Variants in RAB27A observed in about 807,000 individuals in gnomAD.
RAB27A encodes RAB27A, member RAS oncogene family.
A neutral mutation model predicts 20.8 loss-of-function variants in RAB27A; 17 were observed. The observed-to-expected ratio is 0.82, with a 90% CI of 0.56 to 1.23. The LOEUF (loss-of-function observed/expected upper bound fraction) is 1.23. Among genes scored for constraint, RAB27A ranks in the 50% most tolerant of loss-of-function variants. The probability of loss-of-function intolerance (pLI) is 0.00; values close to 1 mark genes in which losing one functional copy is unlikely to be tolerated. For missense variants in RAB27A, 277 were observed against 266.7 expected (o/e 1.04, Z -0.27); for synonymous variants, 85 against 92.8 (o/e 0.92, Z 0.48).
At chr15:55,285,426 T>C (rs1158207123) in intron 1 of RAB27A, among the ~76,000 whole-genome samples, 2 of 151,780 alleles carry the variant, frequency 1.3e-5, no homozygotes, top group Non-Finnish European at 2.9e-5. Flanking sequence ...ACCTCAATCA[T>C]ACAAGTACCT....
At chr15:55,218,261 T>A (rs1895406786) in intron 6 of RAB27A, among the ~76,000 whole-genome samples, 1 of 152,220 alleles carries the variant, frequency 6.6e-6, no homozygotes, top group African/African-American at 2.4e-5. Context: ...AGGAAATGGC[T>A]GGTGTGCTGA....
At chr15:55,252,533 C>A (rs976629303) in intron 2 of RAB27A, among the ~76,000 whole-genome samples, 1 of 151,990 alleles carries the variant, frequency 6.6e-6, no homozygotes, top group Admixed American at 6.6e-5. Flanking sequence ...ACCTGGGAGG[C>A]GGAAGCTGCA....
rs1352124999 is a variant in RAB27A at position 55,272,731 on chromosome 15, C to T, written c.-142-2447G>A. Among the ~76,000 whole-genome samples the T allele has an allele frequency of 3.3e-5, 5 of 152,136 alleles. No homozygotes were observed. The East Asian group carries it at 5.8e-4, about 18-fold the overall frequency. On this transcript the variant is annotated intron_variant, in intron 1 of 6. Coordinates refer to ENST00000336787, the MANE Select transcript of RAB27A (RefSeq NM_183235.3). The stretch of plus-strand genomic sequence containing the variant: ...ATGTTTTATTTCTTTTAGACATAAA[C>T]TCACAAGGACAAAGATCAGGTAGTG...
chr15:55,213,038 TCAATAAAGC>T (rs1400617436), intron 6 of RAB27A, among the ~76,000 whole-genome samples: 1 of 152,234 alleles, frequency 6.6e-6, no homozygotes, highest in East Asian at 1.9e-4. Flanking sequence ...ACCTTGCTTT[TCAATAAAGC>T]CATGAAAGTC....
intron 2 of RAB27A, chr15:55,238,066 C>G (rs543379325): frequency 6.6e-5 from 10 of 152,198 alleles, no homozygotes; most frequent in Admixed American, 2.6e-4. Context: ...TGTTAACAAA[C>G]CAAATACCAT....
chr15:55,207,112 C>G (rs759420373), intron 6 of RAB27A, among the ~76,000 whole-genome samples: 144 of 152,098 alleles, frequency 9.5e-4, no homozygotes, highest in Non-Finnish European at 1.2e-3. Context: ...TCACACCCAT[C>G]AGATTGGCAA....
At chr15:55,227,465 C>T (rs957833444) in intron 5 of RAB27A, among the ~76,000 whole-genome samples, 4 of 152,018 alleles carry the variant, frequency 2.6e-5, no homozygotes, top group African/African-American at 2.4e-5. Flanking sequence ...AGGCATCTAG[C>T]GAAGTGAAGC....
upstream of RAB27A, among the ~76,000 whole-genome samples, chr15:55,294,255 G>A (rs888266482): frequency 6.6e-6 from 1 of 151,984 alleles, no homozygotes; most frequent in Non-Finnish European, 1.5e-5. Context: ...AGTTTCCTCA[G>A]CAAATGGTAC....
Position 55,288,869 on chromosome 15 carries a change from T to A in RAB27A, c.-143+847A>T, listed in dbSNP as rs529426589. On this transcript the variant is annotated intron_variant, in intron 1 of 6. Transcript: ENST00000336787. ...GTGAGTGGAGAATCAACAAATTTAA[T>A]TAGCAATGATTACAGAAAACTTAAA... is the stretch of plus-strand genomic sequence containing the variant. 5 of 151,352 alleles carry A rather than the reference T, an allele frequency of 3.3e-5. No homozygotes were observed. The Middle Eastern group carries it at 0.01, about 318-fold the overall frequency. The allele number at this position is 151,352 out of a possible 1,614,324, so 9.4% of individuals were successfully genotyped here.
intron 3 of RAB27A, among the ~76,000 whole-genome samples, chr15:55,232,860 G>A (rs1483949186): frequency 6.6e-6 from 1 of 152,162 alleles, no homozygotes; most frequent in African/African-American, 2.4e-5. Flanking sequence ...GATAGCTCAT[G>A]CCTGTAATCC....
At chr15:55,299,132 T>G (rs1185024950) in intron 2 of RAB27A, among the ~76,000 whole-genome samples, 4 of 152,220 alleles carry the variant, frequency 2.6e-5, no homozygotes, top group Non-Finnish European at 5.9e-5. Flanking sequence ...GGGGAAGTGA[T>G]AAGTGTCCAT....
intron 1 of RAB27A, among the ~76,000 whole-genome samples, chr15:55,318,484 C>T (rs2055082114): frequency 6.7e-6 from 1 of 150,106 alleles, no homozygotes; most frequent in South Asian, 2.1e-4. Context: ...GCGGGCGGAT[C>T]ACGAGGTCAG....
chr15:55,263,971 G>C (rs61387252), intron 2 of RAB27A, among the ~76,000 whole-genome samples: 34,192 of 152,110 alleles, frequency 0.22, 4,801 homozygotes, highest in East Asian at 0.56. Flanking sequence ...CATCGTAAGA[G>C]AATACAACAT....
intron 6 of RAB27A, among the ~76,000 whole-genome samples, chr15:55,212,873 T>C (rs1895096224): frequency 6.6e-6 from 1 of 152,218 alleles, no homozygotes; most frequent in Non-Finnish European, 1.5e-5. Flanking sequence ...CAAAGACCTG[T>C]GGTACAGGTG....
chr15:55,313,015 A>C (rs2055027859), intron 2 of RAB27A, among the ~76,000 whole-genome samples: 1 of 152,218 alleles, frequency 6.6e-6, no homozygotes, highest in African/African-American at 2.4e-5. Context: ...CAGAATGAGA[A>C]GACACAAACA....
chr15:55,275,918 TAAAAAAAAAA>T (rs60106785), intron 1 of RAB27A, among the ~76,000 whole-genome samples: 2 of 104,142 alleles, frequency 1.9e-5, no homozygotes, highest in Admixed American at 1.2e-4. Flanking sequence ...GATGGCTAAT[TAAAAAAAAAA>T]AAAAAAAAAA....
intron 6 of RAB27A, among the ~76,000 whole-genome samples, chr15:55,216,975 ATATT>A (rs1262975534): frequency 2.6e-5 from 4 of 152,226 alleles, no homozygotes. Flanking sequence ...ACTTAAGCAA[ATATT>A]TAATTGGTAT....
chr15:55,317,355 C>T, intron 1 of RAB27A: 1 of 191,452 alleles, frequency 5.2e-6, no homozygotes, highest in East Asian at 1.2e-4. Flanking sequence ...CGCTCTGTCA[C>T]CCAGGCTGGA....
Position 55,296,022 on chromosome 15 carries a change from G to A in RAB27A, c.-112+18017C>T, listed in dbSNP as rs543451677. The stretch of plus-strand genomic sequence containing the variant: ...AGCGATACTCCTGCCTCAGCCTCTC[G>A]AGTAGCTGGGACCACAGGCACCCGC... On this transcript the variant is annotated intron_variant, in intron 2 of 5. Coordinates refer to the RAB27A transcript ENST00000563262. Among the ~76,000 whole-genome samples, 378 of 151,124 alleles carry A rather than the reference G, an allele frequency of 2.5e-3. 1 individual carries two copies. Among genetic ancestry groups the A allele is most frequent in the African/African-American group, 8.8e-3 (362 of 41,238 alleles).
Sources: allele counts gnomAD v4.1 joint callset (sites outside exome capture counted in the v4.1 genomes callset), GRCh38; gene constraint gnomAD v4.1.1; transcripts MANE v1.5; gene names NCBI Gene and HGNC (gene_info 2026-07-23, HGNC 2026-07-21).